DLG2: variants seen among roughly 807,000 people sequenced by gnomAD.
The protein encoded by DLG2 is disks large homolog 2.
A neutral mutation model predicts 132.5 loss-of-function variants in DLG2; 45 were observed. That is an observed-to-expected ratio of 0.34 (90% CI 0.27 to 0.44). The LOEUF is 0.44. Among genes scored for constraint, DLG2 ranks in the 20% least tolerant of loss-of-function variants. The probability of loss-of-function intolerance (pLI) is 1.00; values close to 1 mark genes in which losing one functional copy is unlikely to be tolerated. For missense variants in DLG2, 1,045 were observed against 1,196.9 expected, an observed-to-expected ratio of 0.87 and a Z score of 1.87; for synonymous variants, 424 against 419.6, an observed-to-expected ratio of 1.01 and a Z score of -0.13.
chr11:84,275,937 T>A (rs2097779745), intron 7 of DLG2, among the ~76,000 whole-genome samples: 1 of 152,234 alleles, frequency 6.6e-6, no homozygotes, highest in Non-Finnish European at 1.5e-5. Flanking sequence ...ATAGGGGGAA[T>A]TCTGAGAAAG....
intron 3 of DLG2, among the ~76,000 whole-genome samples, chr11:85,458,229 T>C (rs997763785): frequency 6.6e-6 from 1 of 152,240 alleles, no homozygotes; most frequent in East Asian, 1.9e-4. Flanking sequence ...TATTCTCCTG[T>C]TAACACTTGT....
At chr11:83,487,939 A>C (rs1274323390) in intron 21 of DLG2, among the ~76,000 whole-genome samples, 1 of 151,900 alleles carries the variant, frequency 6.6e-6, no homozygotes, top group East Asian at 1.9e-4. Flanking sequence ...GAGATTGGGA[A>C]GTGGCAGCCA....
At chr11:84,389,936 A>C (rs1471520413) in intron 7 of DLG2, among the ~76,000 whole-genome samples, 1 of 152,188 alleles carries the variant, frequency 6.6e-6, no homozygotes, top group Non-Finnish European at 1.5e-5. Flanking sequence ...CAAAAATGCT[A>C]ACAACAGTTA....
chr11:84,363,891 C>A (rs2098666096), intron 7 of DLG2, among the ~76,000 whole-genome samples: 1 of 152,048 alleles, frequency 6.6e-6, no homozygotes, highest in Non-Finnish European at 1.5e-5. Flanking sequence ...GTACCAGTAC[C>A]ATGCTGTTTT....
At chr11:84,963,072 G>A (rs2052814175) in intron 6 of DLG2, among the ~76,000 whole-genome samples, 1 of 152,114 alleles carries the variant, frequency 6.6e-6, no homozygotes, top group South Asian at 2.1e-4. Flanking sequence ...CTCTAGAAGA[G>A]CATTGCAGGA....
intron 17 of DLG2, among the ~76,000 whole-genome samples, chr11:83,819,216 T>C (rs2049993109): frequency 6.6e-6 from 1 of 152,002 alleles, no homozygotes; most frequent in African/African-American, 2.4e-5. Context: ...ACACCTGTAA[T>C]CCCAGCACTT....
chr11:83,910,286 TTA>T (rs1156723574), intron 15 of DLG2, among the ~76,000 whole-genome samples: 1 of 152,102 alleles, frequency 6.6e-6, no homozygotes, highest in East Asian at 1.9e-4. Context: ...GAGAAGAGTT[TTA>T]GAGTCATCAA....
intron 3 of DLG2, among the ~76,000 whole-genome samples, chr11:85,346,753 C>G (rs1276064254): frequency 6.6e-6 from 1 of 151,946 alleles, no homozygotes; most frequent in Non-Finnish European, 1.5e-5. Flanking sequence ...ACGCCTGTGA[C>G]AATGGGACTG....
chr11:84,961,666 A>T (rs1410407704), intron 6 of DLG2, among the ~76,000 whole-genome samples: 1 of 152,062 alleles, frequency 6.6e-6, no homozygotes, highest in African/African-American at 2.4e-5. Context: ...CATGTGCCAA[A>T]AATACTGTGA....
chr11:83,691,345 C>T (rs953618643), intron 18 of DLG2, among the ~76,000 whole-genome samples: 1 of 152,302 alleles, frequency 6.6e-6, no homozygotes. Flanking sequence ...TCCTATCTAG[C>T]TTTTAATATA....
intron 7 of DLG2, among the ~76,000 whole-genome samples, chr11:84,256,082 G>A (rs150650732): frequency 4.5e-4 from 69 of 151,950 alleles, no homozygotes; most frequent in African/African-American, 1.6e-3. Flanking sequence ...ACATACAAAT[G>A]TTCTCAGATT....
At chr11:84,821,500 T>G (rs1025565569) in intron 6 of DLG2, among the ~76,000 whole-genome samples, 3 of 151,548 alleles carry the variant, frequency 2.0e-5, no homozygotes, top group Non-Finnish European at 4.4e-5. Context: ...CACAAAATAT[T>G]ATTTTAGATT....
intron 6 of DLG2, among the ~76,000 whole-genome samples, chr11:84,850,444 T>C (rs1319706428): frequency 1.3e-5 from 2 of 152,112 alleles, no homozygotes; most frequent in Non-Finnish European, 2.9e-5. Flanking sequence ...ACAGCTAACA[T>C]CACACCTAAT....
intron 8 of DLG2, among the ~76,000 whole-genome samples, chr11:84,171,092 C>A (rs2095810101): frequency 6.6e-6 from 1 of 152,096 alleles, no homozygotes. Context: ...CATTTCTACT[C>A]CTCAAAGATC....
intron 7 of DLG2, among the ~76,000 whole-genome samples, chr11:84,300,371 C>A (rs2098138467): frequency 6.6e-6 from 1 of 152,028 alleles, no homozygotes; most frequent in Non-Finnish European, 1.5e-5. Flanking sequence ...AAAAAAAGAA[C>A]ATTCAGCTCT....
At chr11:83,480,005 C>T (rs1419755942) in intron 22 of DLG2, among the ~76,000 whole-genome samples, 3 of 152,016 alleles carry the variant, frequency 2.0e-5, no homozygotes, top group Non-Finnish European at 4.4e-5. Flanking sequence ...GAAAACAATA[C>T]CATGATGATT....
chr11:84,977,371 C>G (rs2055049532), intron 6 of DLG2, among the ~76,000 whole-genome samples: 1 of 152,152 alleles, frequency 6.6e-6, no homozygotes, highest in South Asian at 2.1e-4. Context: ...AAAGAGACGG[C>G]AAGTCATCCT....
At chr11:85,255,316 T>C (rs967161291) in intron 4 of DLG2, among the ~76,000 whole-genome samples, 1 of 152,196 alleles carries the variant, frequency 6.6e-6, no homozygotes, top group Non-Finnish European at 1.5e-5. Flanking sequence ...TTTACCACAG[T>C]TAAATCTTAT....
At chr11:85,128,316 C>T (rs1262715706) in intron 5 of DLG2, among the ~76,000 whole-genome samples, 2 of 151,714 alleles carry the variant, frequency 1.3e-5, no homozygotes, top group African/African-American at 2.4e-5. Flanking sequence ...GATACTTAAC[C>T]TAAACAATTT....
Sources: allele counts gnomAD v4.1 joint callset (sites outside exome capture counted in the v4.1 genomes callset), GRCh38; gene constraint gnomAD v4.1.1; transcripts MANE v1.5; gene names NCBI Gene and HGNC (gene_info 2026-07-23, HGNC 2026-07-21).